RSAD2: variants seen among roughly 807,000 people sequenced by gnomAD.
The protein encoded by RSAD2 is radical S-adenosyl methionine domain containing 2, also known as S-adenosylmethionine-dependent nucleotide dehydratase RSAD2.
RSAD2 carries 38 observed loss-of-function variants against 37.7 expected under a neutral mutation model. That is an observed-to-expected ratio of 1.01 (90% CI 0.78 to 1.32). RSAD2 has a LOEUF of 1.32. Ranked by LOEUF, RSAD2 falls within the 40% of genes most tolerant of loss-of-function variation. The pLI, the probability that RSAD2 is intolerant of heterozygous loss-of-function variation, is 0.00. For missense variants in RSAD2, 428 were observed against 437.5 expected (o/e 0.98, Z 0.19); for synonymous variants, 163 against 157.4 (o/e 1.04, Z -0.27).
At chr2:6,878,278 G>C (rs1663328291) in intron 1 of RSAD2, 132 bp downstream of exon 1, 1 of 710,168 alleles carries the variant, frequency 1.4e-6, no homozygotes, top group African/African-American at 1.8e-5. Flanking sequence ...ACCCTTGCAT[G>C]GTGAGCATGT....
At chr2:6,868,787 G>A (rs1301983251) in intron 1 of RSAD2, among the ~76,000 whole-genome samples, 3 of 152,182 alleles carry the variant, frequency 2.0e-5, no homozygotes, top group Admixed American at 6.5e-5. Flanking sequence ...TGCCATAACA[G>A]GTCCAGCTGC....
At chr2:6,888,187 C>G (rs752379961) in intron 3 of RSAD2, among the ~76,000 whole-genome samples, 12 of 152,042 alleles carry the variant, frequency 7.9e-5, no homozygotes, top group Non-Finnish European at 1.6e-4. Context: ...TGTCAGCATT[C>G]CAAATAGAGT....
chr2:6,885,529 A>G (rs1242645829), intron 2 of RSAD2, among the ~76,000 whole-genome samples: 1 of 152,234 alleles, frequency 6.6e-6, no homozygotes. Flanking sequence ...GGATTGGCCA[A>G]GATTCCACCA....
chr2:6,878,175 G>A (rs1401361716), intron 1 of RSAD2, 29 bp downstream of exon 1: 3 of 1,583,804 alleles, frequency 1.9e-6, no homozygotes, highest in South Asian at 2.3e-5. Context: ...ACAGAAATCA[G>A]GATTCTCAAC....
intron 4 of RSAD2, among the ~76,000 whole-genome samples, chr2:6,891,902 T>G (rs1368008212): frequency 6.6e-6 from 1 of 152,170 alleles, no homozygotes; most frequent in Non-Finnish European, 1.5e-5. Context: ...TCCAAAAATT[T>G]TTAAGTGACA....
intron 1 of RSAD2, chr2:6,878,978 G>A: frequency 1.8e-6 from 1 of 544,400 alleles, no homozygotes; most frequent in Non-Finnish European, 3.2e-6. Flanking sequence ...TAAATAGCCT[G>A]CAGATTCAGA....
chr2:6,873,154 A>C (rs1663228868), upstream of RSAD2, among the ~76,000 whole-genome samples: 1 of 152,096 alleles, frequency 6.6e-6, no homozygotes, highest in Non-Finnish European at 1.5e-5. Context: ...GCCTGATGCT[A>C]AGATGTTTAT....
intron 3 of RSAD2, among the ~76,000 whole-genome samples, chr2:6,887,937 G>A (rs1374496633): frequency 6.6e-6 from 1 of 152,196 alleles, no homozygotes; most frequent in Non-Finnish European, 1.5e-5. Context: ...AAAGAGATGT[G>A]GGAAAAGTCA....
chr2:6,890,079 T>C (rs753951385), intron 3 of RSAD2, 97 bp from the exon 4 acceptor site: 82 of 1,167,942 alleles, frequency 7.0e-5, no homozygotes, highest in Admixed American at 1.3e-4. Context: ...AGAGTCTCTT[T>C]GCTCAGAAGA....
Position 6,895,841 on chromosome 2 carries a change from G to A in RSAD2, c.985G>A (p.Val329Ile), listed in dbSNP as rs563568037. ...DPSKSILDVGVEEAIKFSGFD... is the reference protein window; with the variant it reads ...DPSKSILDVGIEEAIKFSGFD... ...TTCCAAGTCCATCCTGGATGTTGGT[G>A]TAGAAGAAGCTATAAAATTCAGTGG... Residue 329 changes from valine to isoleucine, a missense_variant, in exon 6 of 6, where the codon GTA (valine) becomes ATA (isoleucine). By Grantham distance (29) the Val-to-Ile change is conservative. Transcript: ENST00000382040. 1.2e-6 allele frequency: 2 copies of A among 1,614,182 alleles called. No individual in the cohort carries two copies. Among genetic ancestry groups the A allele is most frequent in the South Asian group, 1.1e-5 (1 of 91,078 alleles).
At chr2:6,868,871 C>G (rs149546184) in intron 1 of RSAD2, among the ~76,000 whole-genome samples, 1 of 152,320 alleles carries the variant, frequency 6.6e-6, no homozygotes, top group African/African-American at 2.4e-5. Flanking sequence ...AGATGACCCT[C>G]CAGAGGCTCT....
At chr2:6,887,441 A>C (rs534350968) in intron 3 of RSAD2, among the ~76,000 whole-genome samples, 1 of 152,242 alleles carries the variant, frequency 6.6e-6, no homozygotes, top group Admixed American at 6.5e-5. Flanking sequence ...ATAAAAAAAT[A>C]TGCTCAGTGC....
chr2:6,870,466 G>A (rs941020681), intron 1 of RSAD2, among the ~76,000 whole-genome samples: 5 of 152,192 alleles, frequency 3.3e-5, no homozygotes, highest in African/African-American at 1.2e-4. Flanking sequence ...AGGGTCGAGA[G>A]GTCCTCTGGT....
rs762421530 is a variant in RSAD2 at position 6,878,110 on chromosome 2, G to C, written c.310G>C (p.Glu104Gln). 6.2e-7 allele frequency: 1 copy of C among 1,614,156 alleles called. No homozygotes were observed. Among genetic ancestry groups the C allele is most frequent in the Non-Finnish European group, 8.5e-7 (1 of 1,180,002 alleles). ...AACATCCTTTGTGCTGCCCCTTGAG[G>C]AAGCAAAGAGAGGATTGCTTTTGCT... is the stretch of plus-strand genomic sequence containing the variant. The part of the protein sequence containing the change: ...AKTSFVLPLE[E>Q]AKRGLLLLKE... Residue 104 changes from glutamate to glutamine, a missense_variant, in exon 1 of 6, where the codon GAA (glutamate) becomes CAA (glutamine). Physicochemically the swap from Glu to Gln is conservative, Grantham distance 29. Coordinates refer to ENST00000382040, the MANE Select transcript of RSAD2 (RefSeq NM_080657.5).
exon 1 of RSAD2, chr2:6,866,011 G>T: frequency 1.8e-6 from 1 of 570,102 alleles, no homozygotes. Flanking sequence ...TCCCGGGGCT[G>T]ACACCGAATG....
chr2:6,881,466 C>T (rs536753602), intron 1 of RSAD2, among the ~76,000 whole-genome samples: 5 of 152,364 alleles, frequency 3.3e-5, no homozygotes, highest in African/African-American at 1.2e-4. Context: ...CTACTTTTCT[C>T]TAGCCTTATG....
rs1004922228 is a variant in RSAD2, at chr2:6,890,337, C to A, written c.888+12C>A. ...AATCTAACCAGAAGGTTGTATAAAG[C>A]AAAAGTTGTTTTCTTTGTCATCATA... On this transcript the variant is annotated intron_variant, in intron 4 of 5. Transcript: ENST00000382040. The A allele has an allele frequency of 6.2e-7, 1 of 1,612,722 alleles. No individual in the cohort carries two copies. Among genetic ancestry groups the A allele is most frequent in the Non-Finnish European group, 8.5e-7 (1 of 1,179,206 alleles).
At chr2:6,888,045 T>C (rs1663557470) in intron 3 of RSAD2, among the ~76,000 whole-genome samples, 1 of 152,190 alleles carries the variant, frequency 6.6e-6, no homozygotes, top group African/African-American at 2.4e-5. Flanking sequence ...TTGGCTATGC[T>C]CTGAAAAATG....
intron 1 of RSAD2, among the ~76,000 whole-genome samples, chr2:6,883,121 A>G (rs575784773): frequency 6.6e-6 from 1 of 152,274 alleles, no homozygotes; most frequent in Non-Finnish European, 1.5e-5. Flanking sequence ...GTGCTGCCTC[A>G]TTGTACCCTT....
Sources: gnomAD v4.1 joint callset for allele counts (sites outside exome capture counted in the v4.1 genomes callset) on GRCh38, gnomAD v4.1.1 for gene constraint, MANE v1.5 for transcripts, NCBI Gene and HGNC (gene_info 2026-07-23, HGNC 2026-07-21) for gene names.